SRGAP3: variants seen among roughly 807,000 people sequenced by gnomAD.
SRGAP3 encodes the protein SLIT-ROBO Rho GTPase activating protein 3.
Under a neutral mutation model 121.1 loss-of-function variants are expected in SRGAP3, and 39 were observed. The ratio of observed to expected loss-of-function variants is 0.32; its 90% CI spans 0.25 to 0.42. The LOEUF is 0.42. Ranked by LOEUF, SRGAP3 falls within the 10% of genes least tolerant of loss-of-function variation. The probability of loss-of-function intolerance (pLI) is 1.00; values close to 1 mark genes in which losing one functional copy is unlikely to be tolerated. For synonymous variants in SRGAP3, 601 were observed against 570.0 expected (o/e 1.05, Z -0.77); for missense variants, 1,213 against 1,470.6 (o/e 0.82, Z 2.86).
At chr3:9,135,485 C>T (rs536180640) in intron 1 of SRGAP3, among the ~76,000 whole-genome samples, 10 of 152,310 alleles carry the variant, frequency 6.6e-5, no homozygotes, top group Admixed American at 3.9e-4. Flanking sequence ...CCAACTCCAG[C>T]CCTAGCGGAG....
intron 2 of SRGAP3, among the ~76,000 whole-genome samples, chr3:9,112,565 G>A (rs375318258): frequency 6.6e-6 from 1 of 152,190 alleles, no homozygotes; most frequent in Non-Finnish European, 1.5e-5. Context: ...CGGGAAGAAG[G>A]GCTCTGAAGG....
At chr3:9,310,675 G>C (rs1955226519) in intron 3 of SRGAP3, among the ~76,000 whole-genome samples, 1 of 152,218 alleles carries the variant, frequency 6.6e-6, no homozygotes, top group Non-Finnish European at 1.5e-5. Flanking sequence ...TGCAGGGCCA[G>C]AGAGTGAAAA....
chr3:9,247,050 T>C (rs536171003), intron 1 of SRGAP3, among the ~76,000 whole-genome samples: 2 of 152,300 alleles, frequency 1.3e-5, no homozygotes, highest in African/African-American at 4.8e-5. Context: ...CAAAATGAGA[T>C]AAGCACATTT....
intron 8 of SRGAP3, among the ~76,000 whole-genome samples, chr3:9,053,512 C>T (rs761550514): frequency 4.6e-5 from 7 of 152,150 alleles, no homozygotes; most frequent in Non-Finnish European, 1.0e-4. Flanking sequence ...AAATGAGGAA[C>T]CCAGGTTTCT....
intron 8 of SRGAP3, among the ~76,000 whole-genome samples, chr3:9,053,863 C>T (rs1044575675): frequency 2.6e-5 from 4 of 152,244 alleles, no homozygotes; most frequent in African/African-American, 4.8e-5. Context: ...GACCTTACAA[C>T]ACCCCTTTGC....
intron 3 of SRGAP3, among the ~76,000 whole-genome samples, chr3:9,090,994 G>A (rs1007427852): frequency 1.6e-4 from 24 of 151,692 alleles, no homozygotes; most frequent in Non-Finnish European, 2.6e-4. Flanking sequence ...ACTCAAAGAC[G>A]GGTCATTTCC....
chr3:9,026,876 G>C, intron 13 of SRGAP3, 59 bp downstream of exon 13: 1 of 1,580,432 alleles, frequency 6.3e-7, no homozygotes. Flanking sequence ...TTTCCTATCA[G>C]AACAGCCTAG....
intron 3 of SRGAP3, chr3:9,081,423 T>C: frequency 2.7e-6 from 1 of 369,710 alleles, no homozygotes; most frequent in Non-Finnish European, 5.2e-6. Flanking sequence ...CACTTCCCCC[T>C]TTGAGCCTCA....
chr3:9,032,759 GA>G lies in SRGAP3; in HGVS notation c.1437-8del. On this transcript the variant is annotated splice_polypyrimidine_tract_variant and splice_region_variant and intron_variant, in intron 11 of 21. Coordinates refer to ENST00000383836, the MANE Select transcript of SRGAP3 (RefSeq NM_014850.4). ...AGGGGGAAGACAGGGGGGCCTAGGG[GA>G]AAACGGAACAAAAGAAATCAAGAAA... The G allele has an allele frequency of 6.2e-7, 1 of 1,612,226 alleles. No homozygotes were observed. The highest frequency in any genetic ancestry group is 1.1e-5 in the South Asian group (1 of 91,022).
chr3:9,140,565 G>A (rs1949812384), intron 1 of SRGAP3, among the ~76,000 whole-genome samples: 1 of 152,086 alleles, frequency 6.6e-6, no homozygotes, highest in Non-Finnish European at 1.5e-5. Flanking sequence ...TTTCCACAAG[G>A]GGCCAGATAG....
chr3:9,334,883 C>T (rs976544109), intron 1 of SRGAP3, among the ~76,000 whole-genome samples: 1 of 152,142 alleles, frequency 6.6e-6, no homozygotes, highest in Admixed American at 6.5e-5. Context: ...TACCAGCTGA[C>T]CATGCAAGGT....
chr3:9,179,206 T>C (rs888745917), intron 1 of SRGAP3, among the ~76,000 whole-genome samples: 2 of 152,222 alleles, frequency 1.3e-5, no homozygotes, highest in Non-Finnish European at 2.9e-5. Flanking sequence ...ATCCCCTTCC[T>C]ACTGCCTTGT....
rs1945668187 is a variant in SRGAP3, at chr3:9,053,244, T to G, written c.1126-20A>C. 1.2e-6 allele frequency: 2 copies of G among 1,610,026 alleles called. No individual in the cohort carries two copies. The highest frequency in any genetic ancestry group is 2.2e-5 in the South Asian group (2 of 90,440). The stretch of plus-strand genomic sequence containing the variant: ...CCTAACCTGGGGAAACACAGCAGAT[T>G]GACAAAAATCCTGTATTCTCATACT... On this transcript the variant is annotated intron_variant, in intron 8 of 21. Coordinates refer to ENST00000383836, the MANE Select transcript of SRGAP3 (RefSeq NM_014850.4).
chr3:9,259,536 T>C (rs1181801697), intron 3 of SRGAP3, among the ~76,000 whole-genome samples: 1 of 152,208 alleles, frequency 6.6e-6, no homozygotes, highest in Non-Finnish European at 1.5e-5. Flanking sequence ...CTCAAAGACC[T>C]GGGCTCAAAG....
At chr3:9,033,416 CT>C (rs34713254) in intron 11 of SRGAP3, 37,415 of 145,716 alleles carry the variant, frequency 0.26, 4,699 homozygotes, top group Middle Eastern at 0.35. Context: ...TCTTTTCTTT[CT>C]TTTTTTTTTT....
chr3:9,134,801 A>C lies in SRGAP3; in HGVS notation c.68-9884T>G, dbSNP rs537434651. ...ATTATATGCATCCCAGTGCATCCTG[A>C]CCCTGACCTCAGGCCCTCCTCTGAG... is the stretch of plus-strand genomic sequence containing the variant. On this transcript the variant is annotated intron_variant, in intron 1 of 21. Transcript: ENST00000383836. Among the ~76,000 whole-genome samples, 3 of 152,140 alleles carry C rather than the reference A, an allele frequency of 2.0e-5. No individual in the cohort carries two copies. In the South Asian group the frequency reaches 6.3e-4, roughly 32 times the overall value.
intron 20 of SRGAP3, among the ~76,000 whole-genome samples, chr3:8,991,180 TG>T (rs1033255984): frequency 1.6e-4 from 25 of 152,158 alleles, no homozygotes; most frequent in Non-Finnish European, 3.4e-4. Context: ...GATGGTTAGT[TG>T]GGCTCATGAT....
At chr3:8,989,706 C>A (rs1941926511) in intron 21 of SRGAP3, among the ~76,000 whole-genome samples, 1 of 152,188 alleles carries the variant, frequency 6.6e-6, no homozygotes, top group African/African-American at 2.4e-5. Context: ...ACCGGCTATG[C>A]AAACTGTTAA....
At chr3:9,285,797 A>G (rs1438591444) in intron 3 of SRGAP3, among the ~76,000 whole-genome samples, 1 of 151,630 alleles carries the variant, frequency 6.6e-6, no homozygotes, top group Admixed American at 6.6e-5. Flanking sequence ...TAAATGAAAA[A>G]CAAACCTAAG....
Sources: allele counts gnomAD v4.1 joint callset (sites outside exome capture counted in the v4.1 genomes callset), GRCh38; gene constraint gnomAD v4.1.1; transcripts MANE v1.5; gene names NCBI Gene and HGNC (gene_info 2026-07-23, HGNC 2026-07-21).